NSD1: variants seen among roughly 807,000 people sequenced by gnomAD.
NSD1 encodes histone-lysine N-methyltransferase, H3 lysine-36 specific.
Under a neutral mutation model 242.7 loss-of-function variants are expected in NSD1, and 26 were observed. That is an observed-to-expected ratio of 0.11 (90% confidence interval 0.08 to 0.15). The LOEUF (loss-of-function observed/expected upper bound fraction) is 0.15. Among genes scored for constraint, NSD1 ranks in the 10% least tolerant of loss-of-function variants. The pLI is 1.00. For missense variants in NSD1, 2,495 were observed against 3,272.8 expected, an observed-to-expected ratio of 0.76 and a Z score of 5.80; for synonymous variants, 1,106 against 1,178.1, an observed-to-expected ratio of 0.94 and a Z score of 1.25.
In NSD1 at chr5:177,265,770, G is replaced by A. The variant is rs989341216; in HGVS notation, c.5147-1792G>A. ...TTCCAGTGCGTGTACAGGGACTCGGGTATGGTGGAGAAGCCGGTCCCTCCG... is the reference window on the plus strand; with the variant it reads ...TTCCAGTGCGTGTACAGGGACTCGGATATGGTGGAGAAGCCGGTCCCTCCG... On this transcript the variant is annotated intron_variant, in intron 14 of 22. Coordinates refer to ENST00000439151, the MANE Select transcript of NSD1 (RefSeq NM_022455.5). 4 of 1,484,980 alleles carry A rather than the reference G, an allele frequency of 2.7e-6. No homozygotes were observed. The Admixed American group carries it at 6.7e-5, about 25-fold the overall frequency. The allele number at this position is 1,484,980 out of a possible 1,614,324, so 92.0% of individuals were successfully genotyped here.
At chr5:177,239,310 TTTATA>T (rs1227124298) in intron 7 of NSD1, among the ~76,000 whole-genome samples, 14 of 152,354 alleles carry the variant, frequency 9.2e-5, no homozygotes, top group Non-Finnish European at 1.9e-4. Context: ...AGTCAGCTCT[TTTATA>T]TTATTCTTGA....
At chr5:177,266,960 G>A (rs958728244) in intron 14 of NSD1, among the ~76,000 whole-genome samples, 7 of 152,182 alleles carry the variant, frequency 4.6e-5, no homozygotes, top group African/African-American at 1.2e-4. Context: ...CGCCTCCCAG[G>A]TTCAAGCAAT....
intron 16 of NSD1, 143 bp from the exon 17 acceptor site, chr5:177,273,529 T>G: frequency 1.5e-6 from 1 of 669,804 alleles, no homozygotes; most frequent in African/African-American, 1.8e-5. Context: ...TGTTATGTGT[T>G]TTCTTTTTCA....
intron 12 of NSD1, 91 bp downstream of exon 12, chr5:177,251,944 C>T (rs1756001953): frequency 6.7e-7 from 1 of 1,482,998 alleles, no homozygotes; most frequent in East Asian, 2.3e-5. Flanking sequence ...TATTTTGTGG[C>T]AACACTGGGC....
chr5:177,238,126 T>C lies in NSD1; in HGVS notation c.3922-111T>C, dbSNP rs1182909111. On this transcript the variant is annotated intron_variant, in intron 6 of 22. Transcript: ENST00000439151. This position sits in a 1 kb window ranked among gnomAD's most constrained non-coding sequence, Gnocchi z 4.6. ...CATAATGTCTTCAAGGTTCATCCAC[T>C]TTTTGTAGCCTTTGTCAGAATTTCA... 7.9e-7 allele frequency: 1 copy of C among 1,262,216 alleles called. No homozygotes were observed. The highest frequency in any genetic ancestry group is 1.5e-5 in the African/African-American group (1 of 67,434). The allele number at this position is 1,262,216 out of a possible 1,614,324, so 78.2% of individuals were successfully genotyped here.
At chr5:177,281,299 C>G (rs1758854785) in intron 18 of NSD1, among the ~76,000 whole-genome samples, 1 of 148,720 alleles carries the variant, frequency 6.7e-6, no homozygotes, top group Non-Finnish European at 1.5e-5. Flanking sequence ...GGCAGGATCT[C>G]TAAGTTTCTA....
chr5:177,245,994 G>C (rs2149897007), intron 9 of NSD1, among the ~76,000 whole-genome samples: 1 of 148,110 alleles, frequency 6.8e-6, no homozygotes, highest in East Asian at 2.0e-4. Flanking sequence ...TTTTGAGATG[G>C]AGTTTCGCTC....
chr5:177,141,386 A>G (rs1486232423), intron 2 of NSD1, among the ~76,000 whole-genome samples: 1 of 127,552 alleles, frequency 7.8e-6, no homozygotes, highest in Non-Finnish European at 1.5e-5. Flanking sequence ...GCTGGAGTGC[A>G]GTGGTGTGAC....
chr5:177,241,126 C>G (rs999895312), intron 8 of NSD1, among the ~76,000 whole-genome samples: 3 of 151,882 alleles, frequency 2.0e-5, no homozygotes, highest in Admixed American at 6.6e-5. Context: ...GATCTTTGTT[C>G]CATCTTGAAT....
chr5:177,257,715 A>G (rs1756606022), intron 13 of NSD1, among the ~76,000 whole-genome samples: 1 of 152,116 alleles, frequency 6.6e-6, no homozygotes, highest in African/African-American at 2.4e-5. Flanking sequence ...GGTATTAAAT[A>G]TTTGGATTTC....
At chr5:177,170,015 G>C (rs1373446082) in intron 2 of NSD1, among the ~76,000 whole-genome samples, 2 of 152,136 alleles carry the variant, frequency 1.3e-5, no homozygotes, top group East Asian at 3.8e-4. Flanking sequence ...TGTCGCCCAG[G>C]CTGGAGTGCA....
intron 14 of NSD1, among the ~76,000 whole-genome samples, chr5:177,263,195 CT>C (rs2149922718): frequency 6.6e-6 from 1 of 152,358 alleles, no homozygotes; most frequent in East Asian, 1.9e-4. Flanking sequence ...GCAAAATAAA[CT>C]TTCTAAATTG....
chr5:177,159,119 G>A (rs1289678218), intron 2 of NSD1, among the ~76,000 whole-genome samples: 1 of 148,014 alleles, frequency 6.8e-6, no homozygotes, highest in African/African-American at 2.5e-5. Context: ...TTTGGCTTAT[G>A]GCAGCCTCCG....
At chr5:177,150,794 C>G (rs1358122393) in intron 2 of NSD1, among the ~76,000 whole-genome samples, 1 of 152,108 alleles carries the variant, frequency 6.6e-6, no homozygotes, top group African/African-American at 2.4e-5. Context: ...TCTCTGATTT[C>G]TCTTGATGCT....
intron 2 of NSD1, among the ~76,000 whole-genome samples, chr5:177,164,739 T>C (rs1340895753): frequency 6.6e-6 from 1 of 151,830 alleles, no homozygotes; most frequent in African/African-American, 2.4e-5. Flanking sequence ...AGGTCAGAAG[T>C]TCAAGACCAG....
chr5:177,151,820 G>C (rs1453568980), intron 2 of NSD1, among the ~76,000 whole-genome samples: 1 of 151,740 alleles, frequency 6.6e-6, no homozygotes, highest in Admixed American at 6.6e-5. Context: ...GCCCCTTTGA[G>C]TAGGCTGGGA....
intron 2 of NSD1, among the ~76,000 whole-genome samples, chr5:177,179,084 C>T (rs61020756): frequency 0.1 from 15,465 of 152,164 alleles, 1,326 homozygotes; most frequent in African/African-American, 0.24. Context: ...GGTGTGATAG[C>T]ATAAGATTTA....
Position 177,256,670 on chromosome 5 carries a change from C to A in NSD1, c.4766-281C>A, listed in dbSNP as rs187108225. On this transcript the variant is annotated intron_variant, in intron 12 of 22. Coordinates refer to ENST00000439151, the MANE Select transcript of NSD1 (RefSeq NM_022455.5). ...TATTTCCTGTAAACTTGTAGTTAGT[C>A]CAGGGGCTTGATTAGGTTTAATTTC... Among the ~76,000 whole-genome samples the A allele has an allele frequency of 4.8e-3, 727 of 152,298 alleles. 3 individuals carry two copies. Among genetic ancestry groups the A allele is most frequent in the Middle Eastern group, 0.01 (3 of 294 alleles).
intron 17 of NSD1, among the ~76,000 whole-genome samples, chr5:177,275,841 T>A (rs778296127): frequency 6.6e-6 from 1 of 152,214 alleles, no homozygotes; most frequent in Non-Finnish European, 1.5e-5. Context: ...AGAGGAAAAG[T>A]AAGAACACTA....
Sources: gnomAD v4.1 joint callset for allele counts (sites outside exome capture counted in the v4.1 genomes callset) on GRCh38, gnomAD v4.1.1 for gene constraint, Gnocchi (gnomAD v3.1) non-coding constraint, MANE v1.5 for transcripts, NCBI Gene and HGNC (gene_info 2026-07-23, HGNC 2026-07-21) for gene names.